Variants in FAAP20 observed in about 807,000 individuals in gnomAD.
The protein encoded by FAAP20 is Fanconi anemia core complex-associated protein 20.
Under a neutral mutation model 16.2 loss-of-function variants are expected in FAAP20, and 12 were observed. That is an observed-to-expected ratio of 0.74 (90% CI 0.48 to 1.20). The LOEUF is 1.20. Ranked by LOEUF, FAAP20 falls within the 50% of genes most tolerant of loss-of-function variation. The pLI, the probability that FAAP20 is intolerant of heterozygous loss-of-function variation, is 0.00. For missense variants in FAAP20, 288 were observed against 245.8 expected, an observed-to-expected ratio of 1.17 and a Z score of -1.15; for synonymous variants, 141 against 110.7, an observed-to-expected ratio of 1.27 and a Z score of -1.72.
At chr1:2,207,067 T>C (rs191676388) in intron 1 of FAAP20, among the ~76,000 whole-genome samples, 1 of 152,128 alleles carries the variant, frequency 6.6e-6, no homozygotes, top group African/African-American at 2.4e-5. Flanking sequence ...AAAACATTGA[T>C]TGGGCAGAGA....
downstream of FAAP20, chr1:2,184,829 T>A: frequency 7.2e-7 from 1 of 1,389,702 alleles, no homozygotes; most frequent in Non-Finnish European, 1.0e-6. Flanking sequence ...CCAGTGGGCG[T>A]TGGGGGAGGA....
upstream of FAAP20, chr1:2,203,572 G>C: frequency 1.0e-6 from 1 of 986,054 alleles, no homozygotes; most frequent in African/African-American, 1.7e-5. Flanking sequence ...ACCTGGGGTG[G>C]AGCTGGGGCA....
intron 3 of FAAP20, chr1:2,190,620 G>A (rs1196691805): frequency 5.7e-6 from 2 of 351,196 alleles, no homozygotes; most frequent in South Asian, 4.2e-5. Context: ...GAGCTGGCGT[G>A]CTCAGCAGAG....
downstream of FAAP20, among the ~76,000 whole-genome samples, chr1:2,209,877 C>T (rs1002976176): frequency 6.6e-6 from 1 of 152,224 alleles, no homozygotes; most frequent in African/African-American, 2.4e-5. Context: ...TCGGAGGAGG[C>T]GCTTCAGTGG....
downstream of FAAP20, chr1:2,184,879 A>T (rs766602379): frequency 6.5e-7 from 1 of 1,545,752 alleles, no homozygotes; most frequent in Non-Finnish European, 8.9e-7. Flanking sequence ...CAAGGGAATG[A>T]ACACACGGTC....
downstream of FAAP20, chr1:2,187,248 G>A (rs563199335): frequency 2.9e-5 from 13 of 441,466 alleles, no homozygotes; most frequent in South Asian, 2.2e-4. Context: ...ATTAAAAGCA[G>A]GTGTTTCCAA....
chr1:2,199,056 C>T (rs549345444), upstream of FAAP20: 22 of 1,227,938 alleles, frequency 1.8e-5, no homozygotes, highest in East Asian at 1.2e-4. This position sits in a 1 kb window ranked among gnomAD's most constrained non-coding sequence, Gnocchi z 4.5. Context: ...GCCTCAGTGG[C>T]GGGGTCATGG....
At chr1:2,201,111 C>G (rs1043522525), upstream of FAAP20, 2 of 1,287,742 alleles carry the variant, frequency 1.6e-6, no homozygotes, top group Non-Finnish European at 2.0e-6. Flanking sequence ...CCTGTGCAGC[C>G]GGCTGTGAAC....
chr1:2,189,018 A>AAC (rs1553182607), downstream of FAAP20, among the ~76,000 whole-genome samples: 1 of 141,468 alleles, frequency 7.1e-6, no homozygotes, highest in African/African-American at 2.7e-5. Flanking sequence ...AAAGAAAAAA[A>AAC]AAAAAAAAAA....
chr1:2,198,683 G>A, upstream of FAAP20: 1 of 1,241,688 alleles, frequency 8.1e-7, no homozygotes, highest in Non-Finnish European at 1.0e-6. Context: ...TGAAGGCACT[G>A]GGCTGCCTCC....
In FAAP20 at chr1:2,191,740, C is replaced by G. The variant is rs1401220877; in HGVS notation, c.470+1899G>C. 1.3e-5 allele frequency: 8 copies of G among 603,066 alleles called. No homozygotes were observed. In the South Asian group the frequency reaches 5.2e-4, roughly 40 times the overall value. The allele number at this position is 603,066 out of a possible 1,614,324, so 37.4% of individuals were successfully genotyped here. A position where few individuals can be genotyped will look rare whatever the true frequency, so the allele number is the denominator to read the frequency against. The stretch of plus-strand genomic sequence containing the variant: ...TGGGCGACAGAGCGAGACACCGTCT[C>G]AAAAAAAAAAAAAAATCCCAGTGAC... On this transcript the variant is annotated intron_variant, in intron 3 of 3. Transcript: ENST00000378546.
At chr1:2,211,692 G>A (rs897570778), downstream of FAAP20, among the ~76,000 whole-genome samples, 292 of 149,784 alleles carry the variant, frequency 1.9e-3, 2 homozygotes, top group African/African-American at 6.8e-3. Context: ...CTTGTGATCC[G>A]CCTGCCTCGG....
chr1:2,185,108 G>T, downstream of FAAP20: 1 of 1,203,484 alleles, frequency 8.3e-7, no homozygotes, highest in South Asian at 1.3e-5. Context: ...CTCCGAGGGC[G>T]GCCAGGGACA....
chr1:2,189,505 G>C (rs1483296994), downstream of FAAP20: 2 of 604,258 alleles, frequency 3.3e-6, no homozygotes, highest in African/African-American at 1.8e-5. Context: ...GCACTGCAGT[G>C]AATCTGCCCT....
upstream of FAAP20, among the ~76,000 whole-genome samples, chr1:2,197,686 G>C (rs1180131191): frequency 6.6e-6 from 1 of 152,252 alleles, no homozygotes; most frequent in African/African-American, 2.4e-5. Flanking sequence ...ACGTGTCACA[G>C]TTGTCCTCCT....
At chr1:2,190,108 A>T in intron 3 of FAAP20, 1 of 539,520 alleles carries the variant, frequency 1.9e-6, no homozygotes, top group Non-Finnish European at 3.6e-6. Flanking sequence ...CCCGGCAGAC[A>T]GGCGGCCTGA....
chr1:2,186,325 G>C (rs2100612639), downstream of FAAP20: 1 of 222,700 alleles, frequency 4.5e-6, no homozygotes, highest in Non-Finnish European at 9.5e-6. Flanking sequence ...GTCATCCCCA[G>C]CAGGTGAGCG....
upstream of FAAP20, among the ~76,000 whole-genome samples, chr1:2,197,660 A>G (rs1688878256): frequency 6.6e-6 from 1 of 152,228 alleles, no homozygotes; most frequent in Non-Finnish European, 1.5e-5. Flanking sequence ...TGCTTTGGGG[A>G]CGCAGAGGCA....
chr1:2,210,033 T>TG (rs1689393959), downstream of FAAP20, among the ~76,000 whole-genome samples: 1 of 151,770 alleles, frequency 6.6e-6, no homozygotes, highest in Non-Finnish European at 1.5e-5. Context: ...AGCCTCAGGG[T>TG]GGGGGGTCCT....
Sources: allele counts gnomAD v4.1 joint callset (sites outside exome capture counted in the v4.1 genomes callset), GRCh38; gene constraint gnomAD v4.1.1; non-coding constraint Gnocchi (gnomAD v3.1); transcripts MANE v1.5; gene names NCBI Gene and HGNC (gene_info 2026-07-23, HGNC 2026-07-21).